Variants in AMZ1 observed in about 807,000 individuals in gnomAD.
The protein encoded by AMZ1 is archaemetzincin-1.
Under a neutral mutation model 29.9 loss-of-function variants are expected in AMZ1, and 39 were observed. The observed-to-expected ratio is 1.30, with a 90% confidence interval of 1.01 to 1.70. The LOEUF is 1.70. Among genes scored for constraint, AMZ1 ranks in the 40% most tolerant of loss-of-function variants. AMZ1 has a pLI of 0.00. For synonymous variants in AMZ1, 458 were observed against 304.0 expected (o/e 1.51, Z -5.27); for missense variants, 1,041 against 680.6 (o/e 1.53, Z -5.89).
chr7:2,708,664 GT>G lies in AMZ1; in HGVS notation c.550del (p.Tyr184ThrfsTer44). The G allele has an allele frequency of 6.2e-7, 1 of 1,613,202 alleles. No homozygotes were observed. The highest frequency in any genetic ancestry group is 1.3e-5 in the African/African-American group (1 of 75,036). ...TGCTGGGCCTCACACTGTCTGACCT[GT>G]ACCCCCATGAGGCCTGGAGCTTCAC... is the stretch of plus-strand genomic sequence containing the variant. ...CVLGLTLSDL[Y>X]PHEAWSFTFS... is the part of the protein sequence containing the mutation. On this transcript the variant is annotated frameshift_variant, in exon 4 of 7. Transcript: ENST00000683327. LOFTEE classifies it high-confidence loss of function.
rs200084826 is a variant in AMZ1 at position 2,700,745 on chromosome 7, A to G, written c.294A>G (p.Leu98=). 9.3e-6 allele frequency: 15 copies of G among 1,612,212 alleles called. No homozygotes were observed. The Admixed American group carries it at 1.7e-4, about 18-fold the overall frequency. ...GCCTGGCTCGGAAGCACATCTACCT[A>G]CAGCCGATAGGTACGGGACGCCTGC... is the stretch of plus-strand genomic sequence containing the variant. ...KPRLARKHIY[L]QPIDLSEEPV... Residue 98 remains leucine, a synonymous_variant, in exon 2 of 7, where the codon CTA becomes CTG. Transcript: ENST00000683327.
At chr7:2,733,438 C>T (rs551131535) in intron 4 of AMZ1, 23 of 1,611,996 alleles carry the variant, frequency 1.4e-5, no homozygotes, top group Admixed American at 6.7e-5. Flanking sequence ...TTCGGGCGGG[C>T]GTGCTTACTC....
chr7:2,733,350 T>C (rs774888418), intron 4 of AMZ1: 18 of 908,350 alleles, frequency 2.0e-5, no homozygotes, highest in Non-Finnish European at 2.9e-5. Context: ...AAGCTCGGCC[T>C]GTCAGTCCAG....
At chr7:2,711,705 C>T (rs1209056319) in intron 6 of AMZ1, among the ~76,000 whole-genome samples, 2 of 152,144 alleles carry the variant, frequency 1.3e-5, no homozygotes, top group African/African-American at 4.8e-5. Flanking sequence ...AAGCGTGAGC[C>T]ACCATGCCCA....
Position 2,731,564 on chromosome 7 carries a change from TGGA to T in AMZ1, n.550+21753_550+21755del. 1 of 1,612,648 alleles carries T rather than the reference TGGA, an allele frequency of 6.2e-7. No individual in the cohort carries two copies. Among genetic ancestry groups the T allele is most frequent in the Non-Finnish European group, 8.5e-7 (1 of 1,179,008 alleles). ...TCCATGAGGACCTGGTCGTACTCGCTGGAGGAGACCATGAACAGGATGGACGTG... is the reference window on the plus strand; with the variant it reads ...TCCATGAGGACCTGGTCGTACTCGCTGGAGACCATGAACAGGATGGACGTG... On this transcript the variant is annotated intron_variant and non_coding_transcript_variant, in intron 4 of 4. Coordinates refer to the AMZ1 transcript ENST00000489665. The surrounding 1 kb of genome is among the most constrained non-coding windows in gnomAD (Gnocchi z 6.0).
chr7:2,765,095 G>C (rs1395401210), intron 1 of AMZ1: 5 of 151,242 alleles, frequency 3.3e-5, no homozygotes, highest in African/African-American at 9.7e-5. Context: ...TTTAATCCTT[G>C]ACATTCATAA....
At chr7:2,762,983 C>G (rs114344492), upstream of AMZ1, 774 of 1,340,920 alleles carry the variant, frequency 5.8e-4, 4 homozygotes, top group African/African-American at 0.011. Flanking sequence ...AGAAAGAGCC[C>G]TTGTGTGCTA....
At chr7:2,680,873 G>A (rs929434270) in intron 1 of AMZ1, among the ~76,000 whole-genome samples, 13 of 152,238 alleles carry the variant, frequency 8.5e-5, no homozygotes, top group South Asian at 2.1e-4. Context: ...TGAGGACTCC[G>A]AGGAGATTTC....
chr7:2,725,165 CAGGGACT>C (rs1420437009), intron 4 of AMZ1, among the ~76,000 whole-genome samples: 1 of 152,200 alleles, frequency 6.6e-6, no homozygotes, highest in Non-Finnish European at 1.5e-5. Flanking sequence ...GCTTATCTGC[CAGGGACT>C]AGTTCAGTGG....
At chr7:2,761,941 T>C (rs549843313), upstream of AMZ1, among the ~76,000 whole-genome samples, 1 of 152,046 alleles carries the variant, frequency 6.6e-6, no homozygotes, top group African/African-American at 2.4e-5. Context: ...AAGGGAAAAA[T>C]GTGGAGTGTC....
intron 4 of AMZ1, among the ~76,000 whole-genome samples, chr7:2,725,743 A>C (rs1038113064): frequency 5.9e-5 from 9 of 152,238 alleles, no homozygotes; most frequent in African/African-American, 1.7e-4. Context: ...CCTGCTCAAA[A>C]GGCGGCTTCA....
At chr7:2,759,140 AAAATAAATAAATAAATAAATAAATAAAT>A (rs3074427) in intron 4 of AMZ1, among the ~76,000 whole-genome samples, 2 of 144,700 alleles carry the variant, frequency 1.4e-5, no homozygotes, top group Non-Finnish European at 3.0e-5. Context: ...ACACTGTCTC[AAAATAAATAAATAAATAAATAAATAAAT>A]AAATAAATAA....
intron 6 of AMZ1, 63 bp downstream of exon 6, chr7:2,709,879 G>C (rs1386742481): frequency 6.3e-7 from 1 of 1,583,070 alleles, no homozygotes; most frequent in South Asian, 1.1e-5. Flanking sequence ...CGCGAGCGCC[G>C]CCTGGAGGCT....
At chr7:2,721,711 G>A (rs1469998342), downstream of AMZ1, among the ~76,000 whole-genome samples, 6 of 130,068 alleles carry the variant, frequency 4.6e-5, no homozygotes, top group Non-Finnish European at 7.0e-5. Flanking sequence ...GCGAGACTAC[G>A]TCTCAAAAAA....
At chr7:2,730,886 C>A in intron 4 of AMZ1, 1 of 360,636 alleles carries the variant, frequency 2.8e-6, no homozygotes. Flanking sequence ...AAAAGAGGAA[C>A]GTTTCTGTAA....
intron 4 of AMZ1, among the ~76,000 whole-genome samples, chr7:2,735,687 A>G (rs950368586): frequency 6.6e-6 from 1 of 152,206 alleles, no homozygotes; most frequent in Admixed American, 6.5e-5. Context: ...AACTCATCAC[A>G]GCATTTGTAT....
chr7:2,689,135 A>G (rs1429093426), intron 1 of AMZ1, among the ~76,000 whole-genome samples: 2 of 152,258 alleles, frequency 1.3e-5, no homozygotes, highest in African/African-American at 4.8e-5. Context: ...TTCTGCCTGA[A>G]GGTCTCCGCT....
At chr7:2,698,790 T>A (rs1419628708) in intron 1 of AMZ1, among the ~76,000 whole-genome samples, 1 of 152,092 alleles carries the variant, frequency 6.6e-6, no homozygotes, top group Non-Finnish European at 1.5e-5. Flanking sequence ...GAGCTATGAT[T>A]GCACCACTGC....
intron 4 of AMZ1, among the ~76,000 whole-genome samples, chr7:2,752,653 G>A (rs897441248): frequency 3.3e-5 from 5 of 152,184 alleles, no homozygotes; most frequent in African/African-American, 9.7e-5. Flanking sequence ...TTTACATACT[G>A]CCAATAACCC....
Sources: gnomAD v4.1 joint callset for allele counts (sites outside exome capture counted in the v4.1 genomes callset) on GRCh38, gnomAD v4.1.1 for gene constraint, Gnocchi (gnomAD v3.1) non-coding constraint, MANE v1.5 for transcripts, NCBI Gene and HGNC (gene_info 2026-07-23, HGNC 2026-07-21) for gene names.